The following BICD1 variants were observed in gnomAD, a reference collection of about 807,000 sequenced individuals.
BICD1 encodes protein bicaudal D homolog 1.
In BICD1, 35 loss-of-function variants were observed where a neutral mutation model predicts 92.5. The ratio of observed to expected loss-of-function variants is 0.38; its 90% CI spans 0.29 to 0.50. BICD1 has a LOEUF of 0.50. Among genes scored for constraint, BICD1 ranks in the 20% least tolerant of loss-of-function variants. BICD1 has a pLI of 0.93. For synonymous variants in BICD1, 429 were observed against 465.1 expected, an observed-to-expected ratio of 0.92 and a Z score of 1.00; for missense variants, 950 against 1,189.8, an observed-to-expected ratio of 0.80 and a Z score of 2.97.
At chr12:32,249,745 A>G (rs1438701558) in intron 2 of BICD1, among the ~76,000 whole-genome samples, 2 of 151,530 alleles carry the variant, frequency 1.3e-5, no homozygotes, top group Non-Finnish European at 2.9e-5. Context: ...AGTATGCCAA[A>G]GTTGTTCCAT....
chr12:32,263,587 A>G (rs1167191536), intron 2 of BICD1, among the ~76,000 whole-genome samples: 2 of 152,192 alleles, frequency 1.3e-5, no homozygotes, highest in African/African-American at 4.8e-5. Context: ...AGAATGTGAG[A>G]ACATGTTTCA....
intron 1 of BICD1, among the ~76,000 whole-genome samples, chr12:32,200,175 C>T (rs1406691774): frequency 6.6e-6 from 1 of 152,136 alleles, no homozygotes; most frequent in Non-Finnish European, 1.5e-5. Context: ...AAAGGGCTTC[C>T]TTGGCTTCCA....
chr12:32,198,322 G>GAATATATATATATA (rs1565581365), intron 1 of BICD1, among the ~76,000 whole-genome samples: 1 of 45,756 alleles, frequency 2.2e-5, no homozygotes. Flanking sequence ...GGAATAATAT[G>GAATATATATATATA]CATCTATCTA....
At chr12:32,114,166 C>G (rs1592316861) in intron 1 of BICD1, among the ~76,000 whole-genome samples, 1 of 151,984 alleles carries the variant, frequency 6.6e-6, no homozygotes, top group East Asian at 1.9e-4. Flanking sequence ...CCACCGCGCC[C>G]AGCCTAATTT....
Position 32,340,091 on chromosome 12 carries a change from A to AT in BICD1, c.2764+1122dup, listed in dbSNP as rs200746771. On this transcript the variant is annotated intron_variant, in intron 8 of 9. Coordinates refer to ENST00000652176, the MANE Select transcript of BICD1 (RefSeq NM_001714.4). ...TTGAGTTTGCCACCGTTGAAATAGA[A>AT]TTTTTTTTTTCATTTTACCTTAATT... 4,419 of 943,810 alleles carry AT rather than the reference A, an allele frequency of 4.7e-3. 100 individuals carry two copies. The African/African-American group carries it at 0.06, about 13-fold the overall frequency. The allele number at this position is 943,810 out of a possible 1,614,324, so 58.5% of individuals were successfully genotyped here. A position where few individuals can be genotyped will look rare whatever the true frequency, so the allele number is the denominator to read the frequency against.
intron 2 of BICD1, among the ~76,000 whole-genome samples, chr12:32,254,030 G>GCCGTAT (rs1946647862): frequency 2.2e-5 from 3 of 135,854 alleles, no homozygotes; most frequent in Non-Finnish European, 3.1e-5. Context: ...CATAATCACT[G>GCCGTAT]CCCATATCCC....
intron 1 of BICD1, among the ~76,000 whole-genome samples, chr12:32,135,603 A>G (rs537687668): frequency 2.0e-5 from 3 of 151,770 alleles, no homozygotes; most frequent in African/African-American, 7.3e-5. Context: ...ACTTCACTAT[A>G]TTGGCTGGCC....
At chr12:32,258,803 T>A (rs1946782362) in intron 2 of BICD1, among the ~76,000 whole-genome samples, 1 of 152,220 alleles carries the variant, frequency 6.6e-6, no homozygotes, top group Non-Finnish European at 1.5e-5. Flanking sequence ...TCTACCACTA[T>A]CTTCTAACAA....
In BICD1 at chr12:32,337,676, A is replaced by G; in HGVS notation, c.2430A>G (p.Lys810=). The G allele has an allele frequency of 6.2e-7, 1 of 1,614,170 alleles. No homozygotes were observed. Among genetic ancestry groups the G allele is most frequent in the East Asian group, 2.2e-5 (1 of 44,886 alleles). ...AGCAGTCCCGACGCAGCAAAGGCAAACTTGGAAAGAGCAAGATCGGCAGCC... is the reference window on the plus strand; with the variant it reads ...AGCAGTCCCGACGCAGCAAAGGCAAGCTTGGAAAGAGCAAGATCGGCAGCC... The part of the protein sequence containing the change: ...DHEQSRRSKG[K]LGKSKIGSPK... Residue 810 remains lysine (K), a synonymous_variant, in exon 7 of 10, where the codon AAA becomes AAG. Transcript: ENST00000652176. This position sits in a 1 kb window ranked among gnomAD's most constrained non-coding sequence, Gnocchi z 4.7.
At chr12:32,348,765 T>A (rs1938744553) in intron 8 of BICD1, among the ~76,000 whole-genome samples, 12 of 42,600 alleles carry the variant, frequency 2.8e-4, no homozygotes, top group Admixed American at 1.3e-3. Context: ...TATATATATA[T>A]ATATATATAT....
intron 4 of BICD1, among the ~76,000 whole-genome samples, chr12:32,320,751 C>A (rs1948634240): frequency 6.6e-6 from 1 of 152,112 alleles, no homozygotes; most frequent in African/African-American, 2.4e-5. Context: ...TGTATACTTA[C>A]ACTAGACTAA....
chr12:32,119,470 C>G (rs1029674876), intron 1 of BICD1, among the ~76,000 whole-genome samples: 1 of 152,188 alleles, frequency 6.6e-6, no homozygotes, highest in Non-Finnish European at 1.5e-5. Flanking sequence ...AGCCTGGCTT[C>G]AGCATGTGAA....
At chr12:32,306,181 T>C in intron 4 of BICD1, 59 bp downstream of exon 4, 1 of 1,436,850 alleles carries the variant, frequency 7.0e-7, no homozygotes, top group Non-Finnish European at 9.3e-7. Context: ...GGTAGCATGT[T>C]GTGGGACTTC....
intron 2 of BICD1, among the ~76,000 whole-genome samples, chr12:32,253,182 C>T (rs1467192066): frequency 6.6e-6 from 1 of 152,182 alleles, no homozygotes; most frequent in Non-Finnish European, 1.5e-5. Context: ...CGTGCCCAGC[C>T]AGCATCTTAC....
chr12:32,198,812 A>G (rs1944815116), intron 1 of BICD1, among the ~76,000 whole-genome samples: 1 of 152,152 alleles, frequency 6.6e-6, no homozygotes, highest in Admixed American at 6.5e-5. Flanking sequence ...CAAAAGAGTC[A>G]TTAGATTTAA....
At chr12:32,321,466 G>A (rs1364135116) in intron 4 of BICD1, among the ~76,000 whole-genome samples, 1 of 152,078 alleles carries the variant, frequency 6.6e-6, no homozygotes, top group Non-Finnish European at 1.5e-5. Context: ...CAGGTTTTCT[G>A]GCAGAACAAC....
At chr12:32,168,675 G>T (rs1943844692) in intron 1 of BICD1, among the ~76,000 whole-genome samples, 1 of 152,184 alleles carries the variant, frequency 6.6e-6, no homozygotes, top group Admixed American at 6.5e-5. Flanking sequence ...TGTATCCAAA[G>T]TTGACCCTTG....
intron 4 of BICD1, among the ~76,000 whole-genome samples, chr12:32,324,712 A>G (rs1948737239): frequency 6.6e-6 from 1 of 152,016 alleles, no homozygotes; most frequent in Admixed American, 6.6e-5. Context: ...AGTAGCTGGG[A>G]TTACAGGTGC....
intron 2 of BICD1, among the ~76,000 whole-genome samples, chr12:32,275,182 G>T (rs1947243298): frequency 1.3e-5 from 2 of 152,140 alleles, no homozygotes; most frequent in African/African-American, 4.8e-5. Flanking sequence ...TAAATTACAC[G>T]TATAAATAAA....
Sources: gnomAD v4.1 joint callset for allele counts (sites outside exome capture counted in the v4.1 genomes callset) on GRCh38, gnomAD v4.1.1 for gene constraint, Gnocchi (gnomAD v3.1) non-coding constraint, MANE v1.5 for transcripts, NCBI Gene and HGNC (gene_info 2026-07-23, HGNC 2026-07-21) for gene names.